Variants in ETS2 observed in about 807,000 individuals in gnomAD.
ETS2 encodes ETS proto-oncogene 2, transcription factor.
A neutral mutation model predicts 54.9 loss-of-function variants in ETS2; 19 were observed. The observed-to-expected ratio is 0.35, with a 90% CI of 0.24 to 0.51. ETS2 has a LOEUF of 0.51. Ranked by LOEUF, ETS2 falls within the 20% of genes least tolerant of loss-of-function variation. The probability of loss-of-function intolerance (pLI) is 0.97; values close to 1 mark genes in which losing one functional copy is unlikely to be tolerated. For synonymous variants in ETS2, 219 were observed against 229.3 expected, an observed-to-expected ratio of 0.95 and a Z score of 0.41; for missense variants, 417 against 593.0, an observed-to-expected ratio of 0.70 and a Z score of 3.08.
chr21:38,812,171 A>G (rs574788451), intron 2 of ETS2, among the ~76,000 whole-genome samples: 50 of 152,360 alleles, frequency 3.3e-4, no homozygotes, highest in African/African-American at 1.1e-3. Flanking sequence ...CAAACATTTC[A>G]AAATAAATGC....
chr21:38,817,146 C>T (rs570258869), intron 6 of ETS2, 55 bp downstream of exon 6: 2 of 1,168,396 alleles, frequency 1.7e-6, no homozygotes, highest in African/African-American at 3.0e-5. Flanking sequence ...TCCCAGTAGA[C>T]TTGGAATCTC....
At chr21:38,818,021 C>G (rs2060942102) in intron 6 of ETS2, among the ~76,000 whole-genome samples, 1 of 152,184 alleles carries the variant, frequency 6.6e-6, no homozygotes. Context: ...GCAGAGTGGG[C>G]TGTGCCTCAG....
intron 3 of ETS2, among the ~76,000 whole-genome samples, chr21:38,813,556 T>A (rs1160234998): frequency 6.6e-6 from 1 of 152,240 alleles, no homozygotes; most frequent in Non-Finnish European, 1.5e-5. Context: ...TCCTTACCCA[T>A]CGGTAGTTCT....
upstream of ETS2, chr21:38,805,227 C>A: frequency 1.3e-6 from 1 of 795,334 alleles, no homozygotes; most frequent in Non-Finnish European, 1.7e-6. This position sits in a 1 kb window ranked among gnomAD's most constrained non-coding sequence, Gnocchi z 5.2. Flanking sequence ...CCGGGAGCAG[C>A]GCGATCAGCA....
intron 9 of ETS2, among the ~76,000 whole-genome samples, chr21:38,822,415 CAGG>C (rs1298000493): frequency 2.0e-5 from 3 of 152,202 alleles, no homozygotes; most frequent in African/African-American, 2.4e-5. Context: ...CCTTGGCTCC[CAGG>C]AGGTTTCACT....
Position 38,814,273 on chromosome 21 carries a change from A to G in ETS2, c.185A>G (p.Asp62Gly). The change falls in exon 4 of 10, where the codon GAC becomes GGC. Residue 62 changes from aspartate to glycine, a missense_variant and splice_region_variant. Around this residue, in one of 3 missense-constraint regions of ETS2, gnomAD observed 326 missense variants for 426.1 expected, o/e 0.76. Transcript: ENST00000360938. This position sits in a 1 kb window ranked among gnomAD's most constrained non-coding sequence, Gnocchi z 4.2. ...VPTGLDSISH[D>G]SANCELPLLT... Reference sequence around the variant, plus strand: ...GTCCCCATGGGGGGTTTCCTTCCAGACTCCGCCAACTGTGAATTGCCTTTG... The same window carrying G: ...GTCCCCATGGGGGGTTTCCTTCCAGGCTCCGCCAACTGTGAATTGCCTTTG... 1 of 1,613,936 alleles carries G rather than the reference A, an allele frequency of 6.2e-7. No homozygotes were observed. Among genetic ancestry groups the G allele is most frequent in the Admixed American group, 1.7e-5 (1 of 60,004 alleles).
intron 1 of ETS2, among the ~76,000 whole-genome samples, chr21:38,807,415 T>TC (rs2060897829): frequency 2.1e-5 from 2 of 96,716 alleles, no homozygotes; most frequent in Non-Finnish European, 4.4e-5. Context: ...CTGCTCTTTA[T>TC]CCTTTTTTTT....
chr21:38,822,932 G>C lies in ETS2; in HGVS notation c.*43G>C, dbSNP rs1226187297. 2.1e-6 allele frequency: 3 copies of C among 1,449,676 alleles called. No homozygotes were observed. The highest frequency in any genetic ancestry group is 2.8e-6 in the Non-Finnish European group (3 of 1,084,644). 89.8% of individuals were successfully genotyped at this position (1,449,676 alleles called of 1,614,324 possible). A position where few individuals can be genotyped will look rare whatever the true frequency, so the allele number is the denominator to read the frequency against. ...TGAGCCGGCCCCAGGCTCGTGGACT[G>C]AGTGGGAAGCCCATCCTGACCAGCT... is the stretch of plus-strand genomic sequence containing the variant. On this transcript the variant is annotated 3_prime_UTR_variant, in exon 10 of 10. Coordinates refer to ENST00000360938, the MANE Select transcript of ETS2 (RefSeq NM_005239.6).
upstream of ETS2, chr21:38,805,712 TC>T: frequency 1.2e-6 from 1 of 819,632 alleles, no homozygotes; most frequent in Non-Finnish European, 1.5e-6. The surrounding 1 kb of genome is among the most constrained non-coding windows in gnomAD (Gnocchi z 5.2). Flanking sequence ...CTCCCTCCGC[TC>T]CCCCAACCCT....
chr21:38,814,433 C>G lies in ETS2; in HGVS notation c.304+41C>G. ...CTGAGCCTGCACTGGGTGAGAAGAA[C>G]CAACTTCAGTGCAGTTGTTTGATCT... On this transcript the variant is annotated intron_variant, in intron 4 of 9. Coordinates refer to ENST00000360938, the MANE Select transcript of ETS2 (RefSeq NM_005239.6). The surrounding 1 kb of genome is among the most constrained non-coding windows in gnomAD (Gnocchi z 4.2). 6.2e-7 allele frequency: 1 copy of G among 1,609,382 alleles called. No homozygotes were observed. The highest frequency in any genetic ancestry group is 8.5e-7 in the Non-Finnish European group (1 of 1,177,534).
At position 38,813,841 on chromosome 21, in the gene ETS2, T is replaced by C. The variant is rs1477681173; in HGVS notation, c.185-432T>C. Among the ~76,000 whole-genome samples the C allele has an allele frequency of 2.0e-5, 3 of 152,226 alleles. No individual in the cohort carries two copies. In the East Asian group the frequency reaches 5.8e-4, roughly 29 times the overall value. ...AATAAAAATGGAAGGTGTGGTTCCA[T>C]TACCGTGCTAAGTGCGGCACATTCA... On this transcript the variant is annotated intron_variant, in intron 3 of 9. Coordinates refer to ENST00000360938, the MANE Select transcript of ETS2 (RefSeq NM_005239.6).
At chr21:38,815,694 G>T (rs2060930185) in intron 5 of ETS2, among the ~76,000 whole-genome samples, 1 of 151,608 alleles carries the variant, frequency 6.6e-6, no homozygotes, top group Admixed American at 6.6e-5. Flanking sequence ...ACTTTGGGAG[G>T]CGGAGGCGGG....
Position 38,823,006 on chromosome 21 carries a change from C to T in ETS2, c.*117C>T. On this transcript the variant is annotated 3_prime_UTR_variant, in exon 10 of 10. Coordinates refer to ENST00000360938, the MANE Select transcript of ETS2 (RefSeq NM_005239.6). ...GGATTGAAAATGTCCAGGAAAGTGGCCAAGAAGCAGTGGCCTTATTGCATC... is the reference window on the plus strand; with the variant it reads ...GGATTGAAAATGTCCAGGAAAGTGGTCAAGAAGCAGTGGCCTTATTGCATC... 2.3e-6 allele frequency: 2 copies of T among 862,240 alleles called. No homozygotes were observed. The highest frequency in any genetic ancestry group is 3.3e-6 in the Non-Finnish European group (2 of 598,574). 53.4% of individuals were successfully genotyped at this position (862,240 alleles called of 1,614,324 possible). A position where few individuals can be genotyped will look rare whatever the true frequency, so the allele number is the denominator to read the frequency against.
Position 38,821,398 on chromosome 21 carries a change from C to T in ETS2, c.1076-188C>T, listed in dbSNP as rs944456317. ...CAGGAACTCACATTTGGTGCCCCGC[C>T]CCATCCCGTTAAAGCACTTAGTACT... On this transcript the variant is annotated intron_variant, in intron 8 of 9. Transcript: ENST00000360938. This position sits in a 1 kb window ranked among gnomAD's most constrained non-coding sequence, Gnocchi z 4.2. 6.6e-6 allele frequency among the ~76,000 whole-genome samples: 1 copy of T among 152,136 alleles called. No individual in the cohort carries two copies. Among genetic ancestry groups the T allele is most frequent in the Non-Finnish European group, 1.5e-5 (1 of 68,020 alleles).
chr21:38,806,297 G>A lies in ETS2; in HGVS notation c.-1+177G>A, dbSNP rs531859959. 7.0e-4 allele frequency: 658 copies of A among 945,250 alleles called. 3 individuals carry two copies. The African/African-American group carries it at 0.011, about 16-fold the overall frequency. 58.6% of individuals were successfully genotyped at this position (945,250 alleles called of 1,614,324 possible). A position where few individuals can be genotyped will look rare whatever the true frequency, so the allele number is the denominator to read the frequency against. ...CTCTAGGGGCGCGCGTCTGAGTTCC[G>A]CGCCGGCTCGTTTTCCGGTTATGGA... On this transcript the variant is annotated intron_variant, in intron 1 of 9. Transcript: ENST00000360938. The surrounding 1 kb of genome is among the most constrained non-coding windows in gnomAD (Gnocchi z 4.3).
rs762945230 is a variant in ETS2, at chr21:38,815,019, G to A, written c.505+38G>A. 4 of 1,598,096 alleles carry A rather than the reference G, an allele frequency of 2.5e-6. No homozygotes were observed. In the South Asian group the frequency reaches 3.3e-5, roughly 13 times the overall value. On this transcript the variant is annotated intron_variant, in intron 5 of 9. Transcript: ENST00000360938. ...CGTCTTACTTCTCCTTGTCCAGGAT[G>A]AGCTGTGGCCGGGAAGACTGATTGG... is the stretch of plus-strand genomic sequence containing the variant.
At position 38,824,618 on chromosome 21, in the gene ETS2, A is replaced by G. The variant is rs2060971956; in HGVS notation, c.*1729A>G. 6.6e-6 allele frequency: 1 copy of G among 152,508 alleles called. No individual in the cohort carries two copies. Among genetic ancestry groups the G allele is most frequent in the South Asian group, 2.1e-4 (1 of 4,832 alleles). The allele number at this position is 152,508 out of a possible 1,614,324, so 9.4% of individuals were successfully genotyped here. A position where few individuals can be genotyped will look rare whatever the true frequency, so the allele number is the denominator to read the frequency against. ...GCTGCCTCAATACCCACAAAAGACC[A>G]TTCCCAGTATACATAAGCACAGGAT... On this transcript the variant is annotated 3_prime_UTR_variant, in exon 10 of 10. Coordinates refer to ENST00000360938, the MANE Select transcript of ETS2 (RefSeq NM_005239.6).
chr21:38,808,767 T>C (rs774987345), intron 1 of ETS2, among the ~76,000 whole-genome samples: 3 of 152,146 alleles, frequency 2.0e-5, no homozygotes, highest in Non-Finnish European at 2.9e-5. Context: ...CAGTTGAATG[T>C]TGTCTGAATT....
rs146881662 is a variant in ETS2 at position 38,817,260 on chromosome 21, G to A, written c.589+169G>A. Among the ~76,000 whole-genome samples, 19 of 152,344 alleles carry A rather than the reference G, an allele frequency of 1.2e-4. No homozygotes were observed. The East Asian group carries it at 3.7e-3, about 29-fold the overall frequency. Reference sequence around the variant, plus strand: ...CATTGAAATGTGACTGGTCCACATCGAGATGTGTAGGAAGAGTATAGTCAT... The same window carrying A: ...CATTGAAATGTGACTGGTCCACATCAAGATGTGTAGGAAGAGTATAGTCAT... On this transcript the variant is annotated intron_variant, in intron 6 of 9. Coordinates refer to ENST00000360938, the MANE Select transcript of ETS2 (RefSeq NM_005239.6).
Sources: gnomAD v4.1 joint callset for allele counts (sites outside exome capture counted in the v4.1 genomes callset) on GRCh38, gnomAD v4.1.1 for gene constraint, gnomAD v4.1.1 regional missense constraint, Gnocchi (gnomAD v3.1) non-coding constraint, MANE v1.5 for transcripts, NCBI Gene and HGNC (gene_info 2026-07-23, HGNC 2026-07-21) for gene names.